MNX1: variants seen among roughly 807,000 people sequenced by gnomAD.
MNX1 encodes motor neuron and pancreas homeobox 1.
Under a neutral mutation model 17.3 loss-of-function variants are expected in MNX1, and 2 were observed. The observed-to-expected ratio is 0.12, with a 90% CI of 0.05 to 0.36. The LOEUF is 0.36. Among genes scored for constraint, MNX1 ranks in the 10% least tolerant of loss-of-function variants. MNX1 has a pLI of 1.00. For synonymous variants in MNX1, 306 were observed against 283.1 expected (o/e 1.08, Z -0.81); for missense variants, 556 against 564.7 (o/e 0.98, Z 0.16).
Position 157,009,663 on chromosome 7 carries a change from T to C in MNX1, c.688A>G (p.Asn230Asp), listed in dbSNP as rs775483934. 4 of 1,609,130 alleles carry C rather than the reference T, an allele frequency of 2.5e-6. No individual in the cohort carries two copies. The part of the protein sequence containing the change: ...GMILPKMPDF[N>D]SQAQSNLLGK... ...ACGGGGGCCGCAGGGTACTCACAGT[T>C]GAAGTCGGGCATCTTAGGCAGGATC... The change falls in exon 1 of 3, where the codon AAC becomes GAC. Residue 230 changes from asparagine to aspartate, a missense_variant. By Grantham distance (23) the Asn-to-Asp change is conservative. Transcript: ENST00000252971.
At chr7:157,009,115 G>A in intron 1 of MNX1, 1 of 1,535,262 alleles carries the variant, frequency 6.5e-7, no homozygotes, top group Non-Finnish European at 8.7e-7. Context: ...CCCTTCCAGA[G>A]GAGGGCAGCG....
Position 157,010,451 on chromosome 7 carries a change from A to T in MNX1, c.-101T>A. On this transcript the variant is annotated 5_prime_UTR_variant, in exon 1 of 3. Coordinates refer to ENST00000252971, the MANE Select transcript of MNX1 (RefSeq NM_005515.4). ...TGCGGTGCAAGCCCGGGGGCTCGGT[A>T]TTGTTATGGTGGTTATTTGCCAATA... is the stretch of plus-strand genomic sequence containing the variant. 1 of 780,440 alleles carries T rather than the reference A, an allele frequency of 1.3e-6. No homozygotes were observed. Among genetic ancestry groups the T allele is most frequent in the South Asian group, 2.5e-5 (1 of 40,080 alleles). The allele number at this position is 780,440 out of a possible 1,614,324, so 48.3% of individuals were successfully genotyped here. A position where few individuals can be genotyped will look rare whatever the true frequency, so the allele number is the denominator to read the frequency against.
Position 157,010,090 on chromosome 7 carries a change from G to A in MNX1, c.261C>T (p.His87=), listed in dbSNP as rs1453078361. The part of the protein sequence containing the change: ...SPSPPRLLAA[H]CALLPKPGFL... ...AGCCCGGCTTGGGCAGCAGCGCGCA[G>A]TGCGCGGCCAGCAGGCGCGGCGGCG... The change falls in exon 1 of 3, where the codon CAC becomes CAT. Residue 87 remains histidine, a synonymous_variant. Coordinates refer to ENST00000252971, the MANE Select transcript of MNX1 (RefSeq NM_005515.4). The A allele has an allele frequency of 3.0e-6, 3 of 984,590 alleles. No homozygotes were observed. Among genetic ancestry groups the A allele is most frequent in the African/African-American group, 3.5e-5 (2 of 56,742 alleles). 61.0% of individuals were successfully genotyped at this position (984,590 alleles called of 1,614,324 possible). A position where few individuals can be genotyped will look rare whatever the true frequency, so the allele number is the denominator to read the frequency against.
chr7:157,006,336 C>G lies in MNX1; in HGVS notation c.852+143G>C. 1 of 885,720 alleles carries G rather than the reference C, an allele frequency of 1.1e-6. No individual in the cohort carries two copies. The highest frequency in any genetic ancestry group is 1.7e-5 in the South Asian group (1 of 57,498). The allele number at this position is 885,720 out of a possible 1,614,324, so 54.9% of individuals were successfully genotyped here. A position where few individuals can be genotyped will look rare whatever the true frequency, so the allele number is the denominator to read the frequency against. ...GAAGCTACTGAATCGGCGCTCTGGG[C>G]ACCTTAGATGAACCCGTGCGCCCGC... On this transcript the variant is annotated intron_variant, in intron 2 of 2. Coordinates refer to ENST00000252971, the MANE Select transcript of MNX1 (RefSeq NM_005515.4). This position sits in a 1 kb window ranked among gnomAD's most constrained non-coding sequence, Gnocchi z 6.3.
rs774859062 is a variant in MNX1, at chr7:157,006,937, G to C, written c.692-298C>G. The stretch of plus-strand genomic sequence containing the variant: ...CGCAGGAGGCTTCCTCTCCACAGGA[G>C]CCGGCTTTGGTAGCAGTGGATTGAC... On this transcript the variant is annotated intron_variant, in intron 1 of 2. Transcript: ENST00000252971. The surrounding 1 kb of genome is among the most constrained non-coding windows in gnomAD (Gnocchi z 6.3). 56 of 277,340 alleles carry C rather than the reference G, an allele frequency of 2.0e-4. No individual in the cohort carries two copies. The highest frequency in any genetic ancestry group is 1.1e-3 in the Middle Eastern group (1 of 914). 17.2% of individuals were successfully genotyped at this position (277,340 alleles called of 1,614,324 possible).
Position 157,006,396 on chromosome 7 carries a change from C to A in MNX1, c.852+83G>T. The A allele has an allele frequency of 1.3e-6, 2 of 1,484,650 alleles. No homozygotes were observed. Among genetic ancestry groups the A allele is most frequent in the South Asian group, 1.2e-5 (1 of 80,542 alleles). 92.0% of individuals were successfully genotyped at this position (1,484,650 alleles called of 1,614,324 possible). A position where few individuals can be genotyped will look rare whatever the true frequency, so the allele number is the denominator to read the frequency against. On this transcript the variant is annotated intron_variant, in intron 2 of 2. Coordinates refer to ENST00000252971, the MANE Select transcript of MNX1 (RefSeq NM_005515.4). This position sits in a 1 kb window ranked among gnomAD's most constrained non-coding sequence, Gnocchi z 6.3. Reference sequence around the variant, plus strand: ...CGTCGAGGCGCAGCGCTAGATGCCTCAGACCGCCCGTGGGTCACAAGTGCA... The same window carrying A: ...CGTCGAGGCGCAGCGCTAGATGCCTAAGACCGCCCGTGGGTCACAAGTGCA...
chr7:157,008,512 C>A (rs570576087), intron 1 of MNX1: 1 of 154,246 alleles, frequency 6.5e-6, no homozygotes, highest in East Asian at 1.9e-4. Flanking sequence ...CAGCCTTCTG[C>A]AGGGATTCTT....
At chr7:157,009,599 C>G (rs1482638681) in intron 1 of MNX1, 61 bp downstream of exon 1, 3 of 1,578,950 alleles carry the variant, frequency 1.9e-6, no homozygotes, top group Middle Eastern at 2.2e-4. Flanking sequence ...CAGGCGGTGC[C>G]GGTGGAGGAT....
Position 157,006,870 on chromosome 7 carries a change from T to TTTTTTTTTTTTTTTTTG in MNX1, c.692-232_692-231insCAAAAAAAAAAAAAAAA, listed in dbSNP as rs1491442119. On this transcript the variant is annotated intron_variant, in intron 1 of 2. Transcript: ENST00000252971. This position sits in a 1 kb window ranked among gnomAD's most constrained non-coding sequence, Gnocchi z 6.3. ...TGAGACCAATTTTTTTTTTTTTTTT[T>TTTTTTTTTTTTTTTTTG]GTCTAGGAGACGTCTGAGTGTCCCT... The TTTTTTTTTTTTTTTTTG allele has an allele frequency of 2.4e-6, 1 of 419,486 alleles. No homozygotes were observed. Among genetic ancestry groups the TTTTTTTTTTTTTTTTTG allele is most frequent in the Non-Finnish European group, 4.2e-6 (1 of 237,234 alleles). 26.0% of individuals were successfully genotyped at this position (419,486 alleles called of 1,614,324 possible).
Position 157,009,944 on chromosome 7 carries a change from C to A in MNX1, c.407G>T (p.Gly136Val). 1.3e-6 allele frequency: 1 copy of A among 741,486 alleles called. No homozygotes were observed. The highest frequency in any genetic ancestry group is 1.6e-6 in the Non-Finnish European group (1 of 617,956). The allele number at this position is 741,486 out of a possible 1,614,324, so 45.9% of individuals were successfully genotyped here. ...AAAAAAAAAG[G>V]LALGLHPGGA... ...CCCAGGGTGCAGCCCCAGCGCCAGG[C>A]CCCCAGCGGCGGCGGCGGCGGCGGC... Residue 136 changes from glycine to valine, a missense_variant, in exon 1 of 3, where the codon GGC becomes GTC. Gly to Val is a moderately radical substitution (Grantham distance 109). Around this residue, in one of 7 missense-constraint regions of MNX1, gnomAD observed 210 missense variants for 211.3 expected, o/e 0.99. Transcript: ENST00000252971.
In MNX1 at chr7:157,010,424, C is replaced by A; in HGVS notation, c.-74G>T. 2 of 1,242,182 alleles carry A rather than the reference C, an allele frequency of 1.6e-6. No individual in the cohort carries two copies. The highest frequency in any genetic ancestry group is 2.2e-6 in the Non-Finnish European group (2 of 891,456). 76.9% of individuals were successfully genotyped at this position (1,242,182 alleles called of 1,614,324 possible). The stretch of plus-strand genomic sequence containing the variant: ...CGTGTGCGGGCTCGCGGAGTCAGTG[C>A]GTGCGGTGCAAGCCCGGGGGCTCGG... On this transcript the variant is annotated 5_prime_UTR_variant, in exon 1 of 3. Coordinates refer to ENST00000252971, the MANE Select transcript of MNX1 (RefSeq NM_005515.4).
At chr7:157,009,143 G>C (rs1271989306) in intron 1 of MNX1, 9 of 1,524,124 alleles carry the variant, frequency 5.9e-6, no homozygotes, top group Non-Finnish European at 6.1e-6. Flanking sequence ...AAGAGCCGGG[G>C]GTTCCCTGGG....
rs894073689 is a variant in MNX1, at chr7:157,006,717, T to C, written c.692-78A>G. ...CCCCTCCCGTTGCTGCTTGTACCAC[T>C]ACACTCAAGGCCCCAGCGCCAAGGC... On this transcript the variant is annotated intron_variant, in intron 1 of 2. Transcript: ENST00000252971. This position sits in a 1 kb window ranked among gnomAD's most constrained non-coding sequence, Gnocchi z 6.3. 21 of 1,446,532 alleles carry C rather than the reference T, an allele frequency of 1.5e-5. No individual in the cohort carries two copies. The highest frequency in any genetic ancestry group is 1.9e-5 in the Non-Finnish European group (21 of 1,079,758). 89.6% of individuals were successfully genotyped at this position (1,446,532 alleles called of 1,614,324 possible).
At chr7:157,008,185 GAAAGCA>G in intron 1 of MNX1, 1 of 152,326 alleles carries the variant, frequency 6.6e-6, no homozygotes, top group African/African-American at 2.4e-5. Flanking sequence ...CGAAGCTCCA[GAAAGCA>G]CCCCTAGGAG....
At position 157,010,302 on chromosome 7, in the gene MNX1, G is replaced by C; in HGVS notation, c.49C>G (p.Pro17Ala). 3 of 1,576,700 alleles carry C rather than the reference G, an allele frequency of 1.9e-6. No individual in the cohort carries two copies. The highest frequency in any genetic ancestry group is 2.6e-6 in the Non-Finnish European group (3 of 1,162,812). Reference sequence around the variant, plus strand: ...CTCTGCGCAGAGGCGGCTCGTGGGGGGTCCACCGCCAGCAGGGCGTCGATG... The same window carrying C: ...CTCTGCGCAGAGGCGGCTCGTGGGGCGTCCACCGCCAGCAGGGCGTCGATG... ...FRIDALLAVD[P>A]PRAASAQSAP... The change falls in exon 1 of 3, where the codon CCC (proline) becomes GCC (alanine). Residue 17 changes from proline to alanine, a missense_variant. Physicochemically the swap from Pro to Ala is conservative, Grantham distance 27. This residue lies in a region of MNX1 where 45 missense variants were observed against 42.0 expected (regional missense o/e 1.07). Transcript: ENST00000252971.
chr7:157,006,874 T>G lies in MNX1; in HGVS notation c.692-235A>C. 7.1e-6 allele frequency: 3 copies of G among 420,564 alleles called. No individual in the cohort carries two copies. Among genetic ancestry groups the G allele is most frequent in the East Asian group, 4.0e-5 (1 of 24,966 alleles). The allele number at this position is 420,564 out of a possible 1,614,324, so 26.1% of individuals were successfully genotyped here. ...ACCAATTTTTTTTTTTTTTTTTGTCTAGGAGACGTCTGAGTGTCCCTGTTA... is the reference window on the plus strand; with the variant it reads ...ACCAATTTTTTTTTTTTTTTTTGTCGAGGAGACGTCTGAGTGTCCCTGTTA... On this transcript the variant is annotated intron_variant, in intron 1 of 2. Transcript: ENST00000252971. This position sits in a 1 kb window ranked among gnomAD's most constrained non-coding sequence, Gnocchi z 6.3.
intron 1 of MNX1, chr7:157,008,330 G>A (rs1015151259): frequency 2.0e-4 from 30 of 152,444 alleles, no homozygotes; most frequent in Admixed American, 1.6e-3. Flanking sequence ...TCGGCACCCT[G>A]GGTTTAAGCC....
rs773563435 is a variant in MNX1, at chr7:157,010,243, G to A, written c.108C>T (p.Ala36=). The A allele has an allele frequency of 3.0e-5, 41 of 1,368,302 alleles. No homozygotes were observed. Among genetic ancestry groups the A allele is most frequent in the Non-Finnish European group, 3.8e-5 (40 of 1,051,334 alleles). 84.8% of individuals were successfully genotyped at this position (1,368,302 alleles called of 1,614,324 possible). The change falls in exon 1 of 3, where the codon GCC becomes GCT. Residue 36 remains alanine, a synonymous_variant. Transcript: ENST00000252971. ...CGCCACCTCCGGTGCCAGATGCGGC[G>A]GCGGCGAGCGACGTGACCAAGGCCA... ...APLALVTSLA[A]AASGTGGGGG...
intron 2 of MNX1, 67 bp from the exon 3 acceptor site, chr7:157,005,940 C>T: frequency 6.3e-7 from 1 of 1,584,830 alleles, no homozygotes; most frequent in Non-Finnish European, 8.6e-7. Flanking sequence ...CCCGGAGTCC[C>T]CCGGCCGCGT....
Sources: allele counts gnomAD v4.1 joint callset, GRCh38; gene constraint gnomAD v4.1.1; regional missense constraint gnomAD v4.1.1; non-coding constraint Gnocchi (gnomAD v3.1); transcripts MANE v1.5; gene names NCBI Gene and HGNC (gene_info 2026-07-23, HGNC 2026-07-21).